The following GPAT3 variants were observed in gnomAD, a reference collection of about 807,000 sequenced individuals.
The protein encoded by GPAT3 is 1-AGP acyltransferase 9.
In GPAT3, 53 loss-of-function variants were observed where a neutral mutation model predicts 58.8. The observed-to-expected ratio is 0.90, with a 90% confidence interval of 0.72 to 1.13. The LOEUF is 1.13. Ranked by LOEUF, GPAT3 falls within the 50% of genes most tolerant of loss-of-function variation. The pLI, the probability that GPAT3 is intolerant of heterozygous loss-of-function variation, is 0.00. For synonymous variants in GPAT3, 197 were observed against 187.4 expected, an observed-to-expected ratio of 1.05 and a Z score of -0.42; for missense variants, 511 against 527.6, an observed-to-expected ratio of 0.97 and a Z score of 0.31.
At chr4:83,576,441 T>C (rs953540054) in intron 2 of GPAT3, among the ~76,000 whole-genome samples, 24 of 151,122 alleles carry the variant, frequency 1.6e-4, no homozygotes, top group Non-Finnish European at 5.9e-5. Context: ...TATTTATTTA[T>C]TTATTTATTT....
intron 5 of GPAT3, among the ~76,000 whole-genome samples, chr4:83,589,238 A>G (rs1352853577): frequency 6.6e-6 from 1 of 152,210 alleles, no homozygotes; most frequent in Non-Finnish European, 1.5e-5. Context: ...TTTTGAAGAA[A>G]ATATGCTAAA....
chr4:83,571,738 ACG>A (rs1174971066), intron 2 of GPAT3, among the ~76,000 whole-genome samples: 1 of 127,060 alleles, frequency 7.9e-6, no homozygotes, highest in East Asian at 2.7e-4. Flanking sequence ...ATATATATAC[ACG>A]CATATATATA....
chr4:83,566,412 T>G (rs1725385735), intron 2 of GPAT3, among the ~76,000 whole-genome samples: 1 of 132,716 alleles, frequency 7.5e-6, no homozygotes, highest in African/African-American at 3.0e-5. Flanking sequence ...TTTAAAAAAT[T>G]AATTAATTTA....
At chr4:83,586,794 C>T (rs1726390257) in intron 3 of GPAT3, among the ~76,000 whole-genome samples, 1 of 152,214 alleles carries the variant, frequency 6.6e-6, no homozygotes, top group Admixed American at 6.5e-5. Context: ...TTATCTTGAA[C>T]CATGCAAAAG....
intron 6 of GPAT3, among the ~76,000 whole-genome samples, chr4:83,592,234 C>T (rs1360713932): frequency 2.0e-5 from 3 of 150,598 alleles, no homozygotes; most frequent in Non-Finnish European, 4.4e-5. Flanking sequence ...TCATGTATAA[C>T]CGCAATTACA....
chr4:83,579,278 T>TTCCCCTCCCC (rs1246782805), intron 2 of GPAT3, among the ~76,000 whole-genome samples: 1 of 75,366 alleles, frequency 1.3e-5, no homozygotes, highest in Non-Finnish European at 2.6e-5. Context: ...CTCCCCTCTG[T>TTCCCCTCCCC]TCCCCTCCCC....
Position 83,605,094 on chromosome 4 carries a change from G to T in GPAT3, c.*327G>T. The stretch of plus-strand genomic sequence containing the variant: ...AAGTGTGTTTGGAACTCATCGATAG[G>T]GTAATTCTCCAAAAATGCCCAAACT... On this transcript the variant is annotated 3_prime_UTR_variant, in exon 12 of 12. Transcript: ENST00000264409. 5.6e-6 allele frequency: 1 copy of T among 176,994 alleles called. No homozygotes were observed. Among genetic ancestry groups the T allele is most frequent in the South Asian group, 1.5e-4 (1 of 6,852 alleles). The allele number at this position is 176,994 out of a possible 1,614,324, so 11.0% of individuals were successfully genotyped here.
chr4:83,587,889 CTT>C (rs1256235594), intron 4 of GPAT3, among the ~76,000 whole-genome samples: 1 of 152,056 alleles, frequency 6.6e-6, no homozygotes, highest in African/African-American at 2.4e-5. Context: ...CTAAGAGAGT[CTT>C]ATATATTGGC....
rs1281638379 is a variant in GPAT3, at chr4:83,598,662, C to T, written c.1144C>T (p.Gln382Ter). 6.3e-7 allele frequency: 1 copy of T among 1,588,124 alleles called. No homozygotes were observed. Residue 382 changes from glutamine to a stop codon, truncating the protein, a stop_gained, in exon 11 of 12, where the codon CAG becomes TAG. Coordinates refer to ENST00000264409, the MANE Select transcript of GPAT3 (RefSeq NM_032717.5). LOFTEE classifies it high-confidence loss of function. Reference protein sequence around the residue: ...MTREEGEDAVQFANRVKSAIA... With the variant: ...MTREEGEDAV The stretch of plus-strand genomic sequence containing the variant: ...AAACCAGGAAGGAGAAGATGCAGTC[C>T]AGTTTGCTAACAGGGTTAAGTCTGC...
In GPAT3 at chr4:83,536,282, G is replaced by A. The variant is rs1365611233; in HGVS notation, c.-341G>A. 2.9e-6 allele frequency: 3 copies of A among 1,044,150 alleles called. No individual in the cohort carries two copies. The highest frequency in any genetic ancestry group is 3.5e-6 in the Non-Finnish European group (3 of 868,570). 64.7% of individuals were successfully genotyped at this position (1,044,150 alleles called of 1,614,324 possible). ...CCGGGCGGGGCGGGTTCCTGGCTGC[G>A]CTCGCGCGCTCTGCCCGCGCCGCGG... On this transcript the variant is annotated 5_prime_UTR_variant, in exon 1 of 12. Coordinates refer to ENST00000264409, the MANE Select transcript of GPAT3 (RefSeq NM_032717.5).
At chr4:83,599,384 A>G (rs1425302119) in intron 11 of GPAT3, among the ~76,000 whole-genome samples, 1 of 152,194 alleles carries the variant, frequency 6.6e-6, no homozygotes, top group Admixed American at 6.5e-5. Flanking sequence ...CTCTAAGAGC[A>G]CAAGCTGAGA....
At chr4:83,552,136 A>G (rs1161052599) in intron 2 of GPAT3, among the ~76,000 whole-genome samples, 1 of 152,182 alleles carries the variant, frequency 6.6e-6, no homozygotes, top group Admixed American at 6.6e-5. Context: ...TTTTAATAAA[A>G]ATACATTACC....
intron 2 of GPAT3, among the ~76,000 whole-genome samples, chr4:83,545,978 T>G (rs1366918578): frequency 6.6e-6 from 1 of 152,134 alleles, no homozygotes; most frequent in Non-Finnish European, 1.5e-5. Flanking sequence ...TAAATTAAAT[T>G]AAATTAATTA....
intron 2 of GPAT3, among the ~76,000 whole-genome samples, chr4:83,562,591 A>G (rs1282153291): frequency 6.6e-6 from 1 of 152,072 alleles, no homozygotes; most frequent in Non-Finnish European, 1.5e-5. Context: ...AGTCAGGACT[A>G]TAGATGCATA....
intron 2 of GPAT3, among the ~76,000 whole-genome samples, chr4:83,578,052 C>T (rs190430390): frequency 7.2e-5 from 11 of 152,162 alleles, no homozygotes; most frequent in Non-Finnish European, 1.3e-4. Context: ...CTGCCCACCT[C>T]GGCCTCCCAA....
At chr4:83,565,733 A>T (rs1725357022) in intron 2 of GPAT3, among the ~76,000 whole-genome samples, 1 of 152,238 alleles carries the variant, frequency 6.6e-6, no homozygotes. Flanking sequence ...CAAAGGAATT[A>T]GAAAGAGACA....
rs1185047521 is a variant in GPAT3 at position 83,577,788 on chromosome 4, C to CTTTTTTT, written c.209-3754_209-3748dup. 4.5e-5 allele frequency among the ~76,000 whole-genome samples: 3 copies of CTTTTTTT among 66,714 alleles called. 1 individual carries two copies. The highest frequency in any genetic ancestry group is 6.0e-5 in the Non-Finnish European group (2 of 33,224). The allele number at this position is 66,714 out of a possible 152,430, so 43.8% of individuals were successfully genotyped here. On this transcript the variant is annotated intron_variant, in intron 2 of 11. Transcript: ENST00000264409. The stretch of plus-strand genomic sequence containing the variant: ...GGTATGAAGGAGTATGTCATTGTGG[C>CTTTTTTT]TTTTTTTTTTTTTTTTTTTTTTTTT...
intron 2 of GPAT3, among the ~76,000 whole-genome samples, chr4:83,548,410 C>T (rs1023562381): frequency 1.2e-4 from 19 of 152,170 alleles, no homozygotes; most frequent in Admixed American, 6.5e-5. Flanking sequence ...GAGTTTGAAT[C>T]GGCTCATAGC....
intron 2 of GPAT3, among the ~76,000 whole-genome samples, chr4:83,577,160 T>C (rs1280629698): frequency 6.6e-6 from 1 of 152,222 alleles, no homozygotes; most frequent in Non-Finnish European, 1.5e-5. Context: ...TAAGAGCTAC[T>C]CTATGAAATA....
Sources: allele counts gnomAD v4.1 joint callset (sites outside exome capture counted in the v4.1 genomes callset), GRCh38; gene constraint gnomAD v4.1.1; transcripts MANE v1.5; gene names NCBI Gene and HGNC (gene_info 2026-07-23, HGNC 2026-07-21).